The following RALGPS2 variants were observed in gnomAD, a reference collection of about 807,000 sequenced individuals.
RALGPS2 encodes Ral GEF with PH domain and SH3 binding motif 2.
In RALGPS2, 43 loss-of-function variants were observed where a neutral mutation model predicts 86.8. The ratio of observed to expected loss-of-function variants is 0.50; its 90% CI spans 0.39 to 0.64. RALGPS2 has a LOEUF of 0.64. RALGPS2 is among the 30% of genes least tolerant of loss of function. The probability of loss-of-function intolerance (pLI) is 0.00; values close to 1 mark genes in which losing one functional copy is unlikely to be tolerated. For synonymous variants in RALGPS2, 243 were observed against 231.3 expected (o/e 1.05, Z -0.46); for missense variants, 536 against 694.6 (o/e 0.77, Z 2.57).
At chr1:178,835,870 C>T (rs1003577859) in intron 8 of RALGPS2, among the ~76,000 whole-genome samples, 2 of 152,146 alleles carry the variant, frequency 1.3e-5, no homozygotes, top group Non-Finnish European at 2.9e-5. Flanking sequence ...ACCAATTTTA[C>T]GATTGCTTTC....
In RALGPS2 at chr1:178,877,519, C is replaced by T. The variant is rs753527124; in HGVS notation, c.629C>T (p.Thr210Ile). ...TCAGGTATCTATTTGTCAGATTTAA[C>T]ATACATCGATTCAGCATACCCATCA... ...PYLGIYLSDLTYIDSAYPSTG... is the reference protein window; with the variant it reads ...PYLGIYLSDLIYIDSAYPSTG... The change falls in exon 9 of 20, where the codon ACA becomes ATA. Residue 210 changes from threonine to isoleucine, a missense_variant. This residue lies in a region of RALGPS2 where 184 missense variants were observed against 296.7 expected (regional missense o/e 0.62). Transcript: ENST00000367635. The T allele has an allele frequency of 6.2e-7, 1 of 1,613,394 alleles. No individual in the cohort carries two copies. The highest frequency in any genetic ancestry group is 2.2e-5 in the East Asian group (1 of 44,806).
intron 17 of RALGPS2, among the ~76,000 whole-genome samples, chr1:178,900,897 AG>A (rs2102404193): frequency 6.6e-6 from 1 of 152,082 alleles, no homozygotes; most frequent in South Asian, 2.1e-4. Context: ...ATGTTGCTTG[AG>A]TTACTTTTTA....
intron 19 of RALGPS2, among the ~76,000 whole-genome samples, chr1:178,912,531 G>T (rs1004420712): frequency 6.6e-6 from 1 of 152,160 alleles, no homozygotes; most frequent in African/African-American, 2.4e-5. Flanking sequence ...CTTCTGGCTT[G>T]TTAGGCTTCT....
chr1:178,762,571 C>T (rs1388526374), intron 1 of RALGPS2, among the ~76,000 whole-genome samples: 3 of 152,144 alleles, frequency 2.0e-5, no homozygotes, highest in African/African-American at 7.2e-5. Flanking sequence ...GATGGTATCT[C>T]ATTATGGTTT....
rs1658274191 is a variant in RALGPS2, at chr1:178,864,840, TA to T, written c.608-12656del. 8.2e-6 allele frequency: 5 copies of T among 611,390 alleles called. No individual in the cohort carries two copies. The South Asian group carries it at 3.4e-4, about 41-fold the overall frequency. 37.9% of individuals were successfully genotyped at this position (611,390 alleles called of 1,614,324 possible). On this transcript the variant is annotated intron_variant, in intron 8 of 19. Transcript: ENST00000367635. ...TATTAATAAAAAACAATAGAAATTT[TA>T]ATGTACATATATAACATCGCAAAAT...
intron 8 of RALGPS2, among the ~76,000 whole-genome samples, chr1:178,853,988 T>C (rs1657362125): frequency 6.6e-6 from 1 of 152,090 alleles, no homozygotes; most frequent in Non-Finnish European, 1.5e-5. Context: ...TTTCATCTGT[T>C]CTTTTCTTTT....
At position 178,906,735 on chromosome 1, in the gene RALGPS2, T is replaced by C. The variant is rs375654417; in HGVS notation, c.1631-41T>C. 14 of 1,513,126 alleles carry C rather than the reference T, an allele frequency of 9.3e-6. No individual in the cohort carries two copies. The African/African-American group carries it at 1.8e-4, about 19-fold the overall frequency. 93.7% of individuals were successfully genotyped at this position (1,513,126 alleles called of 1,614,324 possible). A position where few individuals can be genotyped will look rare whatever the true frequency, so the allele number is the denominator to read the frequency against. On this transcript the variant is annotated intron_variant, in intron 18 of 19. Transcript: ENST00000367635. ...CTGGCAGAATTATTATGTGTCGTCCTTACATTTTTAATATTTCCCCCTTAT... is the reference window on the plus strand; with the variant it reads ...CTGGCAGAATTATTATGTGTCGTCCCTACATTTTTAATATTTCCCCCTTAT...
chr1:178,904,817 T>C (rs775165645), intron 18 of RALGPS2, among the ~76,000 whole-genome samples: 2 of 152,194 alleles, frequency 1.3e-5, no homozygotes, highest in South Asian at 4.1e-4. Flanking sequence ...TTAGTCTTGC[T>C]TCGGCTGTGG....
intron 1 of RALGPS2, among the ~76,000 whole-genome samples, chr1:178,769,595 G>A (rs1652683002): frequency 6.6e-6 from 1 of 150,754 alleles, no homozygotes; most frequent in Non-Finnish European, 1.5e-5. Context: ...GCCTGAGGTG[G>A]AGTGGAGAGG....
At chr1:178,728,959 C>G (rs1650184507) in intron 1 of RALGPS2, among the ~76,000 whole-genome samples, 1 of 152,160 alleles carries the variant, frequency 6.6e-6, no homozygotes, top group Non-Finnish European at 1.5e-5. Context: ...TGGGAAGGAT[C>G]TATATATACA....
chr1:178,748,260 T>C (rs1651451469), intron 1 of RALGPS2, among the ~76,000 whole-genome samples: 1 of 148,246 alleles, frequency 6.7e-6, no homozygotes, highest in Non-Finnish European at 1.5e-5. Context: ...GTGGAGGTTG[T>C]GGTGAGCCAA....
At chr1:178,859,455 G>A (rs917875270) in intron 8 of RALGPS2, among the ~76,000 whole-genome samples, 3 of 143,440 alleles carry the variant, frequency 2.1e-5, no homozygotes, top group African/African-American at 7.8e-5. Flanking sequence ...CCAGGCTGGA[G>A]TGCAGTGTCA....
chr1:178,885,069 C>T lies in RALGPS2; in HGVS notation c.905-7C>T. ...CATTTGAAAATCTCTTTAAATTTAA[C>T]CCTTAGGTCCTGAAGTAGGAGCGTC... is the stretch of plus-strand genomic sequence containing the variant. On this transcript the variant is annotated splice_region_variant and splice_polypyrimidine_tract_variant and intron_variant, in intron 11 of 19. Coordinates refer to ENST00000367635, the MANE Select transcript of RALGPS2 (RefSeq NM_152663.5). The T allele has an allele frequency of 1.3e-6, 2 of 1,571,264 alleles. No homozygotes were observed. Among genetic ancestry groups the T allele is most frequent in the Non-Finnish European group, 1.7e-6 (2 of 1,166,760 alleles).
chr1:178,789,421 C>T (rs1653842803), intron 4 of RALGPS2, among the ~76,000 whole-genome samples: 1 of 152,294 alleles, frequency 6.6e-6, no homozygotes, highest in South Asian at 2.1e-4. Context: ...AAGCCAGATG[C>T]ATGTAGTTGA....
intron 19 of RALGPS2, among the ~76,000 whole-genome samples, chr1:178,915,693 A>G (rs1660785245): frequency 6.6e-6 from 1 of 152,224 alleles, no homozygotes; most frequent in East Asian, 1.9e-4. Flanking sequence ...TTTGCATATA[A>G]TAGGTTTCAG....
chr1:178,810,601 T>C (rs1654931428), intron 5 of RALGPS2, among the ~76,000 whole-genome samples: 1 of 151,812 alleles, frequency 6.6e-6, no homozygotes, highest in African/African-American at 2.4e-5. Flanking sequence ...AGCCCAAGTA[T>C]AGTAACAAGT....
At chr1:178,812,113 A>G (rs1558130173) in intron 6 of RALGPS2, among the ~76,000 whole-genome samples, 1 of 152,212 alleles carries the variant, frequency 6.6e-6, no homozygotes, top group Non-Finnish European at 1.5e-5. Flanking sequence ...TTACATGTGC[A>G]TAGGAGTCAT....
chr1:178,784,064 TGTAA>T (rs944553393), intron 2 of RALGPS2, among the ~76,000 whole-genome samples: 1 of 152,288 alleles, frequency 6.6e-6, no homozygotes, highest in African/African-American at 2.4e-5. Flanking sequence ...TTTAAAAAAT[TGTAA>T]GTAAGTGTAT....
chr1:178,856,202 G>GAGAGATATATATATATAT (rs1428022812), intron 8 of RALGPS2, among the ~76,000 whole-genome samples: 10 of 83,902 alleles, frequency 1.2e-4, no homozygotes, highest in African/African-American at 5.8e-4. Context: ...GAGAGAGAGA[G>GAGAGATATATATATATAT]ATATATATAT....
Sources: allele counts gnomAD v4.1 joint callset (sites outside exome capture counted in the v4.1 genomes callset), GRCh38; gene constraint gnomAD v4.1.1; regional missense constraint gnomAD v4.1.1; transcripts MANE v1.5; gene names NCBI Gene and HGNC (gene_info 2026-07-23, HGNC 2026-07-21).